Variants in EIF2B3 observed in about 807,000 individuals in gnomAD.
The protein encoded by EIF2B3 is eukaryotic translation initiation factor 2B subunit gamma.
In EIF2B3, 20 loss-of-function variants were observed where a neutral mutation model predicts 54.1. The observed-to-expected ratio is 0.37, with a 90% CI of 0.26 to 0.54. EIF2B3 has a LOEUF of 0.54. Ranked by LOEUF, EIF2B3 falls within the 20% of genes least tolerant of loss-of-function variation. EIF2B3 has a pLI of 0.86. For synonymous variants in EIF2B3, 153 were observed against 188.1 expected (o/e 0.81, Z 1.52); for missense variants, 448 against 547.8 (o/e 0.82, Z 1.82).
At chr1:44,867,822 TA>T (rs35322925) in intron 10 of EIF2B3, among the ~76,000 whole-genome samples, 1 of 148,260 alleles carries the variant, frequency 6.7e-6, no homozygotes, top group African/African-American at 2.5e-5. Context: ...TTTTTATTTT[TA>T]AAAAAAGAAG....
At chr1:44,983,515 T>C (rs1318988625) in intron 1 of EIF2B3, among the ~76,000 whole-genome samples, 2 of 152,158 alleles carry the variant, frequency 1.3e-5, no homozygotes, top group Non-Finnish European at 1.5e-5. Flanking sequence ...TTAATTTCAT[T>C]TTGGTATTAT....
chr1:44,909,944 T>C (rs561929880), intron 5 of EIF2B3, among the ~76,000 whole-genome samples: 3 of 152,354 alleles, frequency 2.0e-5, no homozygotes, highest in South Asian at 2.1e-4. Flanking sequence ...CTTTGAGGTC[T>C]TGACTGAAGT....
At chr1:44,887,551 C>T (rs576159042) in intron 6 of EIF2B3, among the ~76,000 whole-genome samples, 71 of 152,236 alleles carry the variant, frequency 4.7e-4, no homozygotes, top group Non-Finnish European at 9.1e-4. Context: ...TAGAACGTTC[C>T]GAATGAACAA....
intron 4 of EIF2B3, 103 bp from the exon 5 acceptor site, chr1:44,926,842 A>C: frequency 9.6e-7 from 1 of 1,043,692 alleles, no homozygotes; most frequent in Non-Finnish European, 1.4e-6. Context: ...TGGAAACAAC[A>C]CAGGATTGAA....
chr1:44,863,567 A>T (rs776817149), intron 10 of EIF2B3, among the ~76,000 whole-genome samples: 1 of 152,212 alleles, frequency 6.6e-6, no homozygotes, highest in Non-Finnish European at 1.5e-5. Flanking sequence ...TATTTTAAGT[A>T]TAGAAAAAAA....
chr1:44,932,130 C>G (rs1178012999), intron 4 of EIF2B3, among the ~76,000 whole-genome samples: 1 of 152,040 alleles, frequency 6.6e-6, no homozygotes, highest in African/African-American at 2.4e-5. Flanking sequence ...CACACACACA[C>G]ACACACACAC....
At chr1:44,943,505 G>C (rs565766663) in intron 3 of EIF2B3, among the ~76,000 whole-genome samples, 8 of 151,288 alleles carry the variant, frequency 5.3e-5, no homozygotes, top group Admixed American at 2.6e-4. Flanking sequence ...CTGCAGCCTC[G>C]ACTTCCTGGG....
At chr1:44,914,931 C>T (rs1338740565) in intron 5 of EIF2B3, among the ~76,000 whole-genome samples, 10 of 152,080 alleles carry the variant, frequency 6.6e-5, no homozygotes, top group Non-Finnish European at 1.5e-4. Context: ...CCTTGTGATC[C>T]GCCCACTTCG....
chr1:44,857,588 A>G, intron 11 of EIF2B3, 116 bp downstream of exon 11: 1 of 975,920 alleles, frequency 1.0e-6, no homozygotes, highest in South Asian at 1.3e-5. Flanking sequence ...TTATCAATTT[A>G]TGTTCTCGCC....
At chr1:44,875,355 C>T (rs1220216471) in intron 9 of EIF2B3, among the ~76,000 whole-genome samples, 1 of 152,168 alleles carries the variant, frequency 6.6e-6, no homozygotes, top group Non-Finnish European at 1.5e-5. Flanking sequence ...TAGGTAGTCC[C>T]ACATTTACCC....
In EIF2B3 at chr1:44,938,673, G is replaced by A. The variant is rs530675351; in HGVS notation, c.454+2833C>T. On this transcript the variant is annotated intron_variant, in intron 4 of 11. Coordinates refer to ENST00000360403, the MANE Select transcript of EIF2B3 (RefSeq NM_020365.5). The stretch of plus-strand genomic sequence containing the variant: ...TAATTTTTAAAAAATTGTTTGTAGA[G>A]ATGGGGTTTCACCATGTTACCCAGA... Among the ~76,000 whole-genome samples the A allele has an allele frequency of 1.8e-4, 27 of 152,146 alleles. No individual in the cohort carries two copies. In the East Asian group the frequency reaches 5.0e-3, roughly 28 times the overall value.
intron 5 of EIF2B3, among the ~76,000 whole-genome samples, chr1:44,926,014 G>C (rs1017732209): frequency 2.0e-5 from 3 of 151,706 alleles, no homozygotes; most frequent in East Asian, 1.9e-4. Flanking sequence ...GATCACTTGA[G>C]GTCAGGAGCT....
Position 44,978,334 on chromosome 1 carries a change from T to A in EIF2B3, c.275A>T (p.Tyr92Phe). 1 of 1,614,102 alleles carries A rather than the reference T, an allele frequency of 6.2e-7. No homozygotes were observed. Among genetic ancestry groups the A allele is most frequent in the Non-Finnish European group, 8.5e-7 (1 of 1,180,018 alleles). The change falls in exon 3 of 12, where the codon TAC becomes TTC. Residue 92 changes from tyrosine (Y) to phenylalanine (F), a missense_variant. Tyr to Phe is a conservative substitution (Grantham distance 22). This residue lies in a region of EIF2B3 where 95 missense variants were observed against 115.7 expected (regional missense o/e 0.82). Coordinates refer to ENST00000360403, the MANE Select transcript of EIF2B3 (RefSeq NM_020365.5). The stretch of plus-strand genomic sequence containing the variant: ...TTTCACCTTAAGTTTTGGATATATG[T>A]AGCGCAAAGAATCTGCAGTTCCCAT... ...ADMGTADSLR[Y>F]IYPKLKTDVL...
chr1:44,943,625 T>A (rs1006460606), intron 3 of EIF2B3, among the ~76,000 whole-genome samples: 3 of 151,124 alleles, frequency 2.0e-5, no homozygotes, highest in African/African-American at 7.3e-5. Flanking sequence ...GGTCTTCCTA[T>A]GTTTCCCAGG....
At chr1:44,927,072 T>G (rs1344454899) in intron 4 of EIF2B3, among the ~76,000 whole-genome samples, 1 of 151,350 alleles carries the variant, frequency 6.6e-6, no homozygotes, top group Non-Finnish European at 1.5e-5. Flanking sequence ...AGGTGGAGGT[T>G]GCAGTGAGCT....
intron 10 of EIF2B3, among the ~76,000 whole-genome samples, chr1:44,872,522 C>T (rs898847244): frequency 5.3e-5 from 8 of 152,144 alleles, no homozygotes; most frequent in Non-Finnish European, 2.9e-5. Flanking sequence ...TGGTGGTGTG[C>T]GCCTGTAGTC....
intron 6 of EIF2B3, among the ~76,000 whole-genome samples, chr1:44,895,881 C>A (rs1437938490): frequency 6.6e-6 from 1 of 152,170 alleles, no homozygotes; most frequent in Non-Finnish European, 1.5e-5. Context: ...GTTGTGTTCT[C>A]TTCTGCCTAT....
intron 6 of EIF2B3, among the ~76,000 whole-genome samples, chr1:44,885,501 T>C (rs879404371): frequency 5.3e-5 from 8 of 152,324 alleles, no homozygotes; most frequent in South Asian, 2.1e-4. Context: ...GGCAACATTA[T>C]AGCAAAAGAC....
At chr1:44,863,885 A>G (rs1017788813) in intron 10 of EIF2B3, among the ~76,000 whole-genome samples, 6 of 152,180 alleles carry the variant, frequency 3.9e-5, no homozygotes, top group African/African-American at 1.2e-4. Flanking sequence ...TATATATAAT[A>G]CTTGAAGAAA....
Sources: allele counts gnomAD v4.1 joint callset (sites outside exome capture counted in the v4.1 genomes callset), GRCh38; gene constraint gnomAD v4.1.1; regional missense constraint gnomAD v4.1.1; transcripts MANE v1.5; gene names NCBI Gene and HGNC (gene_info 2026-07-23, HGNC 2026-07-21).